NKAIN3: variants seen among roughly 807,000 people sequenced by gnomAD.
NKAIN3 encodes sodium/potassium transporting ATPase interacting 3, also known as sodium/potassium-transporting ATPase subunit beta-1-interacting protein 3.
In NKAIN3, 25 loss-of-function variants were observed where a neutral mutation model predicts 30.2. The ratio of observed to expected loss-of-function variants is 0.83; its 90% confidence interval spans 0.60 to 1.16. NKAIN3 has a LOEUF of 1.16. Ranked by LOEUF, NKAIN3 falls within the 50% of genes most tolerant of loss-of-function variation. NKAIN3 has a pLI of 0.00. For synonymous variants in NKAIN3, 91 were observed against 89.6 expected (o/e 1.02, Z -0.09); for missense variants, 225 against 254.1 (o/e 0.89, Z 0.78).
chr8:62,576,047 T>C (rs1810098925), intron 1 of NKAIN3, among the ~76,000 whole-genome samples: 1 of 152,026 alleles, frequency 6.6e-6, no homozygotes, highest in Non-Finnish European at 1.5e-5. Flanking sequence ...CTCCAGGTCA[T>C]TGGACTGGGC....
At chr8:62,914,851 T>C (rs763791699) in intron 4 of NKAIN3, among the ~76,000 whole-genome samples, 4 of 149,662 alleles carry the variant, frequency 2.7e-5, no homozygotes, top group Non-Finnish European at 4.4e-5. Context: ...GTTTCTTACA[T>C]AGGTATGCAT....
At chr8:62,659,076 A>G (rs1024507055) in intron 3 of NKAIN3, among the ~76,000 whole-genome samples, 1 of 152,176 alleles carries the variant, frequency 6.6e-6, no homozygotes, top group Non-Finnish European at 1.5e-5. Flanking sequence ...GTCAGAAATC[A>G]TTTGTATGGC....
chr8:62,330,269 A>T (rs948054003), intron 1 of NKAIN3, among the ~76,000 whole-genome samples: 2 of 151,872 alleles, frequency 1.3e-5, no homozygotes, highest in African/African-American at 4.8e-5. Context: ...AGTATATATC[A>T]CAGGAAGGAG....
At chr8:62,323,439 T>C (rs988548200) in intron 1 of NKAIN3, among the ~76,000 whole-genome samples, 2 of 152,212 alleles carry the variant, frequency 1.3e-5, no homozygotes, top group Non-Finnish European at 2.9e-5. Context: ...ACATAAGTTA[T>C]TTTGAATCAA....
chr8:62,696,277 A>G (rs1175501102), intron 3 of NKAIN3, among the ~76,000 whole-genome samples: 1 of 152,218 alleles, frequency 6.6e-6, no homozygotes, highest in Non-Finnish European at 1.5e-5. Flanking sequence ...GTAATGGAGT[A>G]AGAATGAATC....
chr8:62,816,485 C>T (rs1182291594), intron 4 of NKAIN3, among the ~76,000 whole-genome samples: 2 of 152,138 alleles, frequency 1.3e-5, no homozygotes, highest in Admixed American at 6.5e-5. Context: ...GGTTCTCAGG[C>T]TACTGGGAGG....
chr8:62,507,612 T>C (rs1807683590), intron 1 of NKAIN3, among the ~76,000 whole-genome samples: 1 of 152,188 alleles, frequency 6.6e-6, no homozygotes, highest in Non-Finnish European at 1.5e-5. Flanking sequence ...ACCACAAAGC[T>C]GCCATCATTT....
chr8:62,276,455 A>G (rs1812965877), intron 1 of NKAIN3, among the ~76,000 whole-genome samples: 1 of 152,234 alleles, frequency 6.6e-6, no homozygotes. Context: ...ACTGGATATA[A>G]GAAAAGAAAT....
chr8:62,827,505 T>C (rs1819063699), intron 4 of NKAIN3, among the ~76,000 whole-genome samples: 1 of 152,178 alleles, frequency 6.6e-6, no homozygotes, highest in African/African-American at 2.4e-5. Context: ...ATAGTTAACT[T>C]GAAATTTTTA....
intron 6 of NKAIN3, among the ~76,000 whole-genome samples, chr8:62,963,984 TA>T (rs1340871832): frequency 5.3e-5 from 8 of 151,968 alleles, no homozygotes; most frequent in African/African-American, 1.9e-4. Context: ...CAAACTGAAG[TA>T]GAGGAAAAGA....
At chr8:62,908,378 T>G (rs1265981262) in intron 4 of NKAIN3, among the ~76,000 whole-genome samples, 6 of 152,214 alleles carry the variant, frequency 3.9e-5, no homozygotes, top group African/African-American at 1.4e-4. Context: ...TGAAATGTGT[T>G]AAGACTTTGG....
intron 1 of NKAIN3, among the ~76,000 whole-genome samples, chr8:62,548,984 C>T (rs1042401274): frequency 4.6e-5 from 7 of 152,120 alleles, no homozygotes; most frequent in Non-Finnish European, 8.8e-5. Flanking sequence ...CATTAGGTAT[C>T]ATTCTTGCTT....
intron 4 of NKAIN3, among the ~76,000 whole-genome samples, chr8:62,800,945 C>T (rs931036224): frequency 4.6e-5 from 7 of 152,054 alleles, no homozygotes; most frequent in South Asian, 2.1e-4. Flanking sequence ...GCTTAAAAAA[C>T]GGTGCACCAA....
intron 1 of NKAIN3, among the ~76,000 whole-genome samples, chr8:62,489,183 A>T (rs1279887999): frequency 1.4e-5 from 2 of 142,590 alleles, no homozygotes; most frequent in African/African-American, 2.6e-5. Flanking sequence ...CACCTGGCTA[A>T]TTTTTTTTTT....
chr8:62,614,759 G>A (rs536476548), intron 3 of NKAIN3, among the ~76,000 whole-genome samples: 8 of 152,210 alleles, frequency 5.3e-5, no homozygotes, highest in African/African-American at 1.9e-4. Flanking sequence ...TCCAAAGGCA[G>A]AGGGGCTTCA....
intron 1 of NKAIN3, among the ~76,000 whole-genome samples, chr8:62,339,800 G>C (rs1418696016): frequency 6.6e-6 from 1 of 151,942 alleles, no homozygotes; most frequent in Non-Finnish European, 1.5e-5. Context: ...CTAAAGAAAG[G>C]ATTTTATAAT....
rs944030172 is a variant in NKAIN3, at chr8:62,525,083, A to G, written c.55-54456A>G. The stretch of plus-strand genomic sequence containing the variant: ...AAATGATTTCATATAAATTTCTTCA[A>G]TTAGCAACAGCTTTATAATTCCTGC... On this transcript the variant is annotated intron_variant, in intron 1 of 6. Transcript: ENST00000623646. 2.6e-5 allele frequency among the ~76,000 whole-genome samples: 4 copies of G among 152,140 alleles called. No homozygotes were observed. The South Asian group carries it at 6.2e-4, about 24-fold the overall frequency.
intron 3 of NKAIN3, among the ~76,000 whole-genome samples, chr8:62,728,708 T>G (rs1001185727): frequency 1.3e-5 from 2 of 150,776 alleles, no homozygotes; most frequent in Admixed American, 6.6e-5. Flanking sequence ...AAAATACTCC[T>G]GGCCGGGCGC....
intron 4 of NKAIN3, among the ~76,000 whole-genome samples, chr8:62,785,334 G>T (rs560409825): frequency 6.6e-6 from 1 of 152,234 alleles, no homozygotes; most frequent in Admixed American, 6.5e-5. Context: ...AGACCACATG[G>T]TATATGATAC....
Sources: gnomAD v4.1 joint callset for allele counts (sites outside exome capture counted in the v4.1 genomes callset) on GRCh38, gnomAD v4.1.1 for gene constraint, MANE v1.5 for transcripts, NCBI Gene and HGNC (gene_info 2026-07-23, HGNC 2026-07-21) for gene names.